NCK2: variants seen among roughly 807,000 people sequenced by gnomAD.
NCK2 encodes NCK adaptor protein 2, also known as cytoplasmic protein NCK2.
NCK2 carries 16 observed loss-of-function variants against 33.9 expected under a neutral mutation model. That is an observed-to-expected ratio of 0.47 (90% CI 0.32 to 0.72). The LOEUF (loss-of-function observed/expected upper bound fraction) is 0.72. Among genes scored for constraint, NCK2 ranks in the 30% least tolerant of loss-of-function variants. The probability of loss-of-function intolerance (pLI) is 0.03; values close to 1 mark genes in which losing one functional copy is unlikely to be tolerated. For missense variants in NCK2, 418 were observed against 537.3 expected (o/e 0.78, Z 2.19); for synonymous variants, 273 against 239.9 (o/e 1.14, Z -1.27).
chr2:105,820,095 T>C (rs1231630670), intron 2 of NCK2, among the ~76,000 whole-genome samples: 6 of 152,086 alleles, frequency 3.9e-5, no homozygotes, highest in Non-Finnish European at 8.8e-5. Flanking sequence ...AGCCAGGAGA[T>C]GTTACGTTGG....
intron 2 of NCK2, chr2:105,846,843 G>A (rs1676872721): frequency 6.6e-6 from 1 of 152,224 alleles, no homozygotes; most frequent in Non-Finnish European, 1.5e-5. Flanking sequence ...GGACTGGAAA[G>A]CAGGGACGTG....
chr2:105,790,118 T>G (rs1458871435), intron 1 of NCK2, among the ~76,000 whole-genome samples: 1 of 152,256 alleles, frequency 6.6e-6, no homozygotes, highest in African/African-American at 2.4e-5. Flanking sequence ...AATTAAAAGT[T>G]GATTTGTGAG....
intron 1 of NCK2, among the ~76,000 whole-genome samples, chr2:105,796,589 T>C (rs1691089449): frequency 6.6e-6 from 1 of 152,186 alleles, no homozygotes; most frequent in South Asian, 2.1e-4. Context: ...GGACTGAGCC[T>C]GGGAGCTGGA....
Position 105,869,535 on chromosome 2 carries a change from G to A in NCK2, c.227-11793G>A, listed in dbSNP as rs72937739. Among the ~76,000 whole-genome samples, 500 of 152,298 alleles carry A rather than the reference G, an allele frequency of 3.3e-3. 2 individuals carry two copies. The highest frequency in any genetic ancestry group is 0.012 in the African/African-American group (480 of 41,566). The stretch of plus-strand genomic sequence containing the variant: ...TGAGAAGCTGGCACAAGTACGGTTC[G>A]GCTGTGTCTTTGCCAACCACGTGCC... On this transcript the variant is annotated intron_variant, in intron 3 of 4. Coordinates refer to ENST00000233154, the MANE Select transcript of NCK2 (RefSeq NM_003581.5).
rs750656280 is a variant in NCK2, at chr2:105,882,019, C to T, written c.918C>T (p.Gly306=). The T allele has an allele frequency of 6.0e-6, 9 of 1,503,488 alleles. No homozygotes were observed. The highest frequency in any genetic ancestry group is 8.0e-6 in the Non-Finnish European group (9 of 1,125,442). The allele number at this position is 1,503,488 out of a possible 1,614,324, so 93.1% of individuals were successfully genotyped here. A position where few individuals can be genotyped will look rare whatever the true frequency, so the allele number is the denominator to read the frequency against. ...CCCTCAACGAGCGGGGCGTGGAGGG[C>T]GACTTCCTCATTAGGGACAGCGAGT... ...ECALNERGVE[G]DFLIRDSESS... The change falls in exon 4 of 5, where the codon GGC becomes GGT. Residue 306 remains glycine (G), a synonymous_variant. Coordinates refer to ENST00000233154, the MANE Select transcript of NCK2 (RefSeq NM_003581.5).
At chr2:105,877,328 C>T (rs2104647947) in intron 3 of NCK2, among the ~76,000 whole-genome samples, 1 of 152,268 alleles carries the variant, frequency 6.6e-6, no homozygotes, top group East Asian at 1.9e-4. Context: ...CAGGATCTCC[C>T]ATCCCTTCTG....
intron 3 of NCK2, among the ~76,000 whole-genome samples, chr2:105,879,943 G>A (rs748216799): frequency 6.6e-6 from 1 of 152,318 alleles, no homozygotes; most frequent in African/African-American, 2.4e-5. Flanking sequence ...GGTAGAGGTC[G>A]AAGCAGAGCT....
chr2:105,779,760 A>G (rs1690427043), intron 1 of NCK2, among the ~76,000 whole-genome samples: 2 of 152,010 alleles, frequency 1.3e-5, no homozygotes, highest in African/African-American at 4.8e-5. Context: ...TAAAACGCAC[A>G]CTCACATACA....
chr2:105,868,369 G>A (rs1677843273), intron 3 of NCK2, among the ~76,000 whole-genome samples: 1 of 152,182 alleles, frequency 6.6e-6, no homozygotes, highest in Admixed American at 6.5e-5. Flanking sequence ...CCACCCAGAG[G>A]GCAACTGTTC....
intron 4 of NCK2, among the ~76,000 whole-genome samples, chr2:105,892,030 T>G (rs1007253148): frequency 6.6e-6 from 1 of 152,134 alleles, no homozygotes; most frequent in African/African-American, 2.4e-5. Context: ...GTTCATATTT[T>G]TAAATGCTTA....
intron 1 of NCK2, among the ~76,000 whole-genome samples, chr2:105,772,234 A>G (rs761405829): frequency 1.2e-4 from 18 of 151,898 alleles, no homozygotes; most frequent in Non-Finnish European, 2.1e-4. Context: ...AGAACCATAG[A>G]TTTATTTAGA....
chr2:105,812,490 ACC>A (rs1675324411), intron 1 of NCK2, among the ~76,000 whole-genome samples: 1 of 152,072 alleles, frequency 6.6e-6, no homozygotes, highest in East Asian at 1.9e-4. Context: ...GACAGCGCTG[ACC>A]CCGTGCTGTG....
chr2:105,818,200 T>C (rs1675572589), intron 2 of NCK2, among the ~76,000 whole-genome samples: 3 of 144,184 alleles, frequency 2.1e-5, no homozygotes, highest in South Asian at 4.4e-4. Context: ...ACACTGCATG[T>C]TCTAACTCAT....
chr2:105,820,365 G>T (rs1208462752), intron 2 of NCK2, among the ~76,000 whole-genome samples: 1 of 152,218 alleles, frequency 6.6e-6, no homozygotes, highest in African/African-American at 2.4e-5. Flanking sequence ...AACAGTAAGC[G>T]GGATGTCAGC....
chr2:105,860,299 T>TA (rs1677466971), intron 3 of NCK2, among the ~76,000 whole-genome samples: 1 of 151,802 alleles, frequency 6.6e-6, no homozygotes, highest in African/African-American at 2.4e-5. Flanking sequence ...AAATGAGCCA[T>TA]AAAAAAACAA....
At chr2:105,747,790 C>T in intron 1 of NCK2, among the ~76,000 whole-genome samples, 1 of 152,158 alleles carries the variant, frequency 6.6e-6, no homozygotes, top group African/African-American at 2.4e-5. Context: ...TTTCAAAGGG[C>T]CTAAGCTAAA....
At chr2:105,852,372 T>C (rs1165556223) in intron 2 of NCK2, among the ~76,000 whole-genome samples, 1 of 152,186 alleles carries the variant, frequency 6.6e-6, no homozygotes, top group African/African-American at 2.4e-5. Flanking sequence ...CACTTGGCCT[T>C]TCCCATCTAA....
chr2:105,787,036 C>T (rs1026775169), intron 1 of NCK2, among the ~76,000 whole-genome samples: 3 of 152,252 alleles, frequency 2.0e-5, no homozygotes, highest in Non-Finnish European at 4.4e-5. Context: ...CTGCTTTCCT[C>T]TCTTCTGCCC....
chr2:105,745,856 A>C (rs2104314662), intron 1 of NCK2: 1 of 152,268 alleles, frequency 6.6e-6, no homozygotes, highest in South Asian at 2.1e-4. Context: ...AGGGCGATTT[A>C]ATCACCGAGT....
Sources: gnomAD v4.1 joint callset for allele counts (sites outside exome capture counted in the v4.1 genomes callset) on GRCh38, gnomAD v4.1.1 for gene constraint, MANE v1.5 for transcripts, NCBI Gene and HGNC (gene_info 2026-07-23, HGNC 2026-07-21) for gene names.